Variants in EIPR1 observed in about 807,000 individuals in gnomAD.
EIPR1 encodes EARP complex and GARP complex interacting protein 1.
Under a neutral mutation model 48.1 loss-of-function variants are expected in EIPR1, and 25 were observed. The observed-to-expected ratio is 0.52, with a 90% CI of 0.38 to 0.73. The LOEUF (loss-of-function observed/expected upper bound fraction) is 0.73. EIPR1 is among the 30% of genes least tolerant of loss of function. The pLI is 0.00. For synonymous variants in EIPR1, 204 were observed against 201.9 expected (o/e 1.01, Z -0.09); for missense variants, 415 against 506.2 (o/e 0.82, Z 1.73).
In EIPR1 at chr2:3,192,420, T is replaced by C. The variant is rs1254065789; in HGVS notation, c.983A>G (p.Glu328Gly). ...DISDQEDHRS[E>G]EKSKEPLQDN... The stretch of plus-strand genomic sequence containing the variant: ...CTGCAGTGCGTGCCCTTACTTCTCT[T>C]CAGAACGGTGGTCCTCCTGGTCACT... Residue 328 changes from glutamate (E) to glycine (G), a missense_variant, in exon 8 of 9, where the codon GAA becomes GGA. Glu to Gly is a moderately conservative substitution (Grantham distance 98, BLOSUM62 -2). Coordinates refer to ENST00000382125, the MANE Select transcript of EIPR1 (RefSeq NM_003310.5). 3.1e-6 allele frequency: 5 copies of C among 1,610,130 alleles called. No homozygotes were observed. Among genetic ancestry groups the C allele is most frequent in the Non-Finnish European group, 4.2e-6 (5 of 1,178,364 alleles).
At chr2:3,281,622 G>A (rs1414215699) in intron 3 of EIPR1, among the ~76,000 whole-genome samples, 1 of 152,174 alleles carries the variant, frequency 6.6e-6, no homozygotes, top group South Asian at 2.1e-4. Flanking sequence ...CGCGTGCCTG[G>A]AAGGGCTCAG....
chr2:3,258,966 G>A (rs1254186223), intron 3 of EIPR1, among the ~76,000 whole-genome samples: 2 of 151,604 alleles, frequency 1.3e-5, no homozygotes, highest in Non-Finnish European at 2.9e-5. Context: ...TCAGTTACAC[G>A]ATCTTTCTGC....
chr2:3,216,572 G>C (rs1216046338), intron 4 of EIPR1, among the ~76,000 whole-genome samples: 2 of 152,180 alleles, frequency 1.3e-5, no homozygotes, highest in Non-Finnish European at 2.9e-5. Flanking sequence ...AAAGCTAAGA[G>C]CCTATAAGTT....
At chr2:3,215,584 T>C (rs1277969023) in intron 4 of EIPR1, among the ~76,000 whole-genome samples, 1 of 152,250 alleles carries the variant, frequency 6.6e-6, no homozygotes, top group Non-Finnish European at 1.5e-5. Context: ...AATATGGATG[T>C]CTGTTTTCTC....
intron 3 of EIPR1, among the ~76,000 whole-genome samples, chr2:3,274,881 A>G (rs1245832708): frequency 1.3e-5 from 2 of 152,210 alleles, no homozygotes; most frequent in African/African-American, 4.8e-5. Context: ...TTAAATATGA[A>G]TAACAACATG....
chr2:3,369,756 C>A lies in EIPR1; in HGVS notation c.42+7892G>T, dbSNP rs185397392. On this transcript the variant is annotated intron_variant, in intron 1 of 8. Transcript: ENST00000382125. Reference sequence around the variant, plus strand: ...GGAAGCTCGAACTGGGTGGAGCGCACCACAGCTCAAGGAGGCCTGCCTGCC... The same window carrying A: ...GGAAGCTCGAACTGGGTGGAGCGCAACACAGCTCAAGGAGGCCTGCCTGCC... Among the ~76,000 whole-genome samples the A allele has an allele frequency of 8.7e-3, 1,329 of 152,378 alleles. 127 individuals carry two copies. The East Asian group carries it at 0.2, about 23-fold the overall frequency.
chr2:3,277,194 ACACCTGTCTCCACCCACACGGCCCCG>A lies in EIPR1; in HGVS notation c.260-19765_260-19740del, dbSNP rs1269154835. Among the ~76,000 whole-genome samples, 460 of 134,504 alleles carry A rather than the reference ACACCTGTCTCCACCCACACGGCCCCG, an allele frequency of 3.4e-3. 2 individuals carry two copies. The highest frequency in any genetic ancestry group is 0.011 in the African/African-American group (404 of 35,188). The allele number at this position is 134,504 out of a possible 152,430, so 88.2% of individuals were successfully genotyped here. ...GGAGCCTCTCCACCCACGCGGCCCCACACCTGTCTCCACCCACACGGCCCCGCACCTGTCTCCACCCACGCGGCCCC... is the reference window on the plus strand; with the variant it reads ...GGAGCCTCTCCACCCACGCGGCCCCACACCTGTCTCCACCCACGCGGCCCC... On this transcript the variant is annotated intron_variant, in intron 3 of 8. Transcript: ENST00000382125.
intron 3 of EIPR1, among the ~76,000 whole-genome samples, chr2:3,317,078 T>C (rs1270904693): frequency 2.1e-5 from 3 of 143,500 alleles, no homozygotes; most frequent in African/African-American, 5.3e-5. Context: ...CAGGAGCGCA[T>C]GACGCACTGA....
intron 3 of EIPR1, among the ~76,000 whole-genome samples, chr2:3,302,058 G>C (rs543298830): frequency 6.6e-6 from 1 of 152,178 alleles, no homozygotes; most frequent in African/African-American, 2.4e-5. Flanking sequence ...CTGAGGCCAC[G>C]CCAGCAGTGG....
intron 5 of EIPR1, among the ~76,000 whole-genome samples, chr2:3,213,239 T>C (rs1262711417): frequency 6.6e-6 from 1 of 152,236 alleles, no homozygotes; most frequent in Non-Finnish European, 1.5e-5. Flanking sequence ...CAGTTCAAAG[T>C]TCTTCCACTT....
chr2:3,319,781 A>ACCTGCGGACAACACCACC (rs1669448435), intron 3 of EIPR1: 1 of 92,116 alleles, frequency 1.1e-5, no homozygotes, highest in African/African-American at 5.3e-5. Flanking sequence ...GCAATACTGC[A>ACCTGCGGACAACACCACC]CCTGCGGGCA....
At chr2:3,217,886 T>C (rs1302310263) in intron 4 of EIPR1, among the ~76,000 whole-genome samples, 3 of 152,028 alleles carry the variant, frequency 2.0e-5, no homozygotes, top group Non-Finnish European at 4.4e-5. Flanking sequence ...GAAACCCCCA[T>C]TGCCACTCCC....
chr2:3,240,027 G>A (rs907925962), intron 4 of EIPR1, among the ~76,000 whole-genome samples: 5 of 151,228 alleles, frequency 3.3e-5, no homozygotes, highest in African/African-American at 4.9e-5. Flanking sequence ...AGAAAAGCCA[G>A]CAGATCCTTC....
intron 3 of EIPR1, chr2:3,318,949 A>G: frequency 2.1e-6 from 1 of 471,548 alleles, no homozygotes; most frequent in South Asian, 1.5e-5. Context: ...AAACGATTCT[A>G]TGATGTCTCC....
At chr2:3,246,253 AGCTATCAGTT>A (rs1666790684) in intron 4 of EIPR1, among the ~76,000 whole-genome samples, 1 of 152,218 alleles carries the variant, frequency 6.6e-6, no homozygotes, top group African/African-American at 2.4e-5. Flanking sequence ...TGGGAAGGAT[AGCTATCAGTT>A]CACTCCTCTT....
intron 3 of EIPR1, among the ~76,000 whole-genome samples, chr2:3,260,530 G>A (rs1044188696): frequency 7.2e-6 from 1 of 139,534 alleles, no homozygotes; most frequent in African/African-American, 2.6e-5. Flanking sequence ...AGGGAGGGAG[G>A]GAGGGAGGGA....
chr2:3,373,314 C>T (rs1243724713), intron 1 of EIPR1, among the ~76,000 whole-genome samples: 1 of 151,778 alleles, frequency 6.6e-6, no homozygotes, highest in Non-Finnish European at 1.5e-5. Context: ...CCTTTGAAAA[C>T]TGGCACAAGA....
chr2:3,291,526 C>T (rs921246379), intron 3 of EIPR1, among the ~76,000 whole-genome samples: 6 of 152,084 alleles, frequency 3.9e-5, no homozygotes, highest in Admixed American at 6.5e-5. Context: ...ATCATAAAAA[C>T]GTCATAATTT....
At chr2:3,291,889 A>G (rs1310100186) in intron 3 of EIPR1, among the ~76,000 whole-genome samples, 1 of 152,258 alleles carries the variant, frequency 6.6e-6, no homozygotes, top group African/African-American at 2.4e-5. Flanking sequence ...TGGCAATGTC[A>G]CAGCAGGTGG....
Sources: allele counts gnomAD v4.1 joint callset (sites outside exome capture counted in the v4.1 genomes callset), GRCh38; gene constraint gnomAD v4.1.1; transcripts MANE v1.5; gene names NCBI Gene and HGNC (gene_info 2026-07-23, HGNC 2026-07-21).